TNFRSF10D: variants seen among roughly 807,000 people sequenced by gnomAD.
The protein encoded by TNFRSF10D is tumor necrosis factor receptor superfamily member 10D.
TNFRSF10D carries 28 observed loss-of-function variants against 42.1 expected under a neutral mutation model. The ratio of observed to expected loss-of-function variants is 0.66; its 90% CI spans 0.49 to 0.91. TNFRSF10D has a LOEUF of 0.91. Among genes scored for constraint, TNFRSF10D ranks in the 40% least tolerant of loss-of-function variants. TNFRSF10D has a pLI of 0.00. For missense variants in TNFRSF10D, 503 were observed against 486.1 expected, an observed-to-expected ratio of 1.03 and a Z score of -0.33; for synonymous variants, 186 against 189.4, an observed-to-expected ratio of 0.98 and a Z score of 0.15.
At chr8:23,144,065 T>C (rs952779757) in intron 7 of TNFRSF10D, among the ~76,000 whole-genome samples, 1 of 152,240 alleles carries the variant, frequency 6.6e-6, no homozygotes, top group African/African-American at 2.4e-5. Flanking sequence ...TACTGTGAAA[T>C]ATGTTCAATG....
At position 23,154,921 on chromosome 8, in the gene TNFRSF10D, G is replaced by T; in HGVS notation, c.209C>A (p.Ala70Asp). ...GAGGCTGCGCCTCTGTTGCTGTGGG[G>T]CCACTGTCTGCTGGGGAACTTCGTC... The part of the protein sequence containing the change: ...RQDEVPQQTV[A>D]PQQQRRSLKE... Residue 70 changes from alanine (A) to aspartate (D), a missense_variant, in exon 2 of 9, where the codon GCC (alanine) becomes GAC (aspartate). Transcript: ENST00000312584. 1 of 1,613,962 alleles carries T rather than the reference G, an allele frequency of 6.2e-7. No homozygotes were observed. The highest frequency in any genetic ancestry group is 8.5e-7 in the Non-Finnish European group (1 of 1,179,916).
intron 2 of TNFRSF10D, among the ~76,000 whole-genome samples, chr8:23,149,554 T>A (rs1563358932): frequency 1.3e-5 from 2 of 152,050 alleles, no homozygotes; most frequent in Non-Finnish European, 2.9e-5. Flanking sequence ...TACTTTTTTT[T>A]TTTTTTAACA....
intron 2 of TNFRSF10D, among the ~76,000 whole-genome samples, chr8:23,152,408 T>C (rs1800223297): frequency 6.6e-6 from 1 of 152,158 alleles, no homozygotes; most frequent in Admixed American, 6.6e-5. Flanking sequence ...CCCACAGGGA[T>C]TGTGGAAGAC....
chr8:23,145,070 T>G lies in TNFRSF10D; in HGVS notation c.756A>C (p.Glu252Asp), dbSNP rs1428437992. 6.2e-7 allele frequency: 1 copy of G among 1,613,918 alleles called. No individual in the cohort carries two copies. Among genetic ancestry groups the G allele is most frequent in the Non-Finnish European group, 8.5e-7 (1 of 1,179,980 alleles). The part of the protein sequence containing the change: ...GICSGGGGGP[E>D]RVHRVLFRRR... ...GAAACCAACTCACTCTGTGCACACGTTCGGGACCTCCTCCACCACCTGGAA... is the reference window on the plus strand; with the variant it reads ...GAAACCAACTCACTCTGTGCACACGGTCGGGACCTCCTCCACCACCTGGAA... The change falls in exon 6 of 9, where the codon GAA becomes GAC. Residue 252 changes from glutamate to aspartate, a missense_variant. Coordinates refer to ENST00000312584, the MANE Select transcript of TNFRSF10D (RefSeq NM_003840.5).
At chr8:23,160,743 A>G (rs1157161542) in intron 1 of TNFRSF10D, among the ~76,000 whole-genome samples, 638 of 151,726 alleles carry the variant, frequency 4.2e-3, no homozygotes, top group African/African-American at 0.013. Flanking sequence ...CAGGACAGAG[A>G]ACCAGAACTG....
intron 7 of TNFRSF10D, among the ~76,000 whole-genome samples, chr8:23,140,462 G>A (rs192063383): frequency 1.3e-5 from 2 of 151,464 alleles, no homozygotes. Context: ...AGATCTCTAA[G>A]AGAATTACAA....
intron 3 of TNFRSF10D, among the ~76,000 whole-genome samples, chr8:23,147,811 C>T (rs563700672): frequency 1.3e-5 from 2 of 151,866 alleles, no homozygotes; most frequent in African/African-American, 4.8e-5. Flanking sequence ...GCCTGTAAGC[C>T]CAGTACTTTG....
intron 4 of TNFRSF10D, among the ~76,000 whole-genome samples, chr8:23,146,536 A>G (rs1182547995): frequency 6.6e-6 from 1 of 152,114 alleles, no homozygotes; most frequent in African/African-American, 2.4e-5. Flanking sequence ...TTTTGTCTTT[A>G]TGGGTCCCTG....
At chr8:23,140,242 T>C (rs965420222) in intron 7 of TNFRSF10D, among the ~76,000 whole-genome samples, 7 of 151,944 alleles carry the variant, frequency 4.6e-5, no homozygotes, top group East Asian at 1.9e-4. Flanking sequence ...TGAGCTGAGA[T>C]CGCGCCACTG....
intron 7 of TNFRSF10D, among the ~76,000 whole-genome samples, chr8:23,141,139 A>G (rs1023010421): frequency 6.6e-6 from 1 of 152,230 alleles, no homozygotes; most frequent in African/African-American, 2.4e-5. Context: ...TAAGTCCTCA[A>G]AAGCAATGCA....
chr8:23,153,917 C>T (rs1800240470), intron 2 of TNFRSF10D, among the ~76,000 whole-genome samples: 2 of 152,174 alleles, frequency 1.3e-5, no homozygotes, highest in Admixed American at 1.3e-4. Flanking sequence ...AGGTATCTTC[C>T]CTCCCATGTG....
rs1366724808 is a variant in TNFRSF10D at position 23,154,953 on chromosome 8, G to A, written c.177C>T (p.Pro59=). 3.1e-6 allele frequency: 5 copies of A among 1,612,894 alleles called. No individual in the cohort carries two copies. In the Admixed American group the frequency reaches 8.3e-5, roughly 27 times the overall value. The change falls in exon 2 of 9, where the codon CCC becomes CCT. Residue 59 remains proline (P), a synonymous_variant. Coordinates refer to ENST00000312584, the MANE Select transcript of TNFRSF10D (RefSeq NM_003840.5). ...LPVRVDSATI[P]RQDEVPQQTV... is the part of the protein sequence containing the mutation. ...TCTGCTGGGGAACTTCGTCCTGCCG[G>A]GGGATGGTGGCAGAGTCAACCCGGA...
chr8:23,149,138 T>G (rs1379541001), intron 2 of TNFRSF10D, among the ~76,000 whole-genome samples: 2 of 129,544 alleles, frequency 1.5e-5, no homozygotes, highest in African/African-American at 6.0e-5. Flanking sequence ...TGCAGTGAGC[T>G]GAGACTGTGC....
At position 23,136,780 on chromosome 8, in the gene TNFRSF10D, C is replaced by CTTATAAATAAATAAATAAATATTTAT. The variant is rs1227749621; in HGVS notation, c.*1064_*1089dup. ...AATCCTGGGCATATGTAAACATCTA[C>CTTATAAATAAATAAATAAATATTTAT]TTATAAATAAATAAATAAATATTTA... On this transcript the variant is annotated 3_prime_UTR_variant, in exon 9 of 9. Transcript: ENST00000312584. The CTTATAAATAAATAAATAAATATTTAT allele has an allele frequency of 9.9e-5, 15 of 151,984 alleles. 1 individual carries two copies. Among genetic ancestry groups the CTTATAAATAAATAAATAAATATTTAT allele is most frequent in the Non-Finnish European group, 1.3e-4 (9 of 67,964 alleles). 9.4% of individuals were successfully genotyped at this position (151,984 alleles called of 1,614,324 possible). A position where few individuals can be genotyped will look rare whatever the true frequency, so the allele number is the denominator to read the frequency against.
At chr8:23,153,387 G>A (rs1169853070) in intron 2 of TNFRSF10D, among the ~76,000 whole-genome samples, 858 of 152,028 alleles carry the variant, frequency 5.6e-3, no homozygotes, top group African/African-American at 0.018. Context: ...TATCAGACTA[G>A]AAAGGTTTTG....
chr8:23,161,348 G>A (rs1800364287), intron 1 of TNFRSF10D, among the ~76,000 whole-genome samples: 2 of 152,196 alleles, frequency 1.3e-5, no homozygotes, highest in African/African-American at 4.8e-5. Context: ...TTCCTACTTT[G>A]ATAAAGAGAA....
In TNFRSF10D at chr8:23,145,068, C is replaced by T. The variant is rs768935072; in HGVS notation, c.758G>A (p.Arg253His). ...GAGAAACCAACTCACTCTGTGCACACGTTCGGGACCTCCTCCACCACCTGG... is the reference window on the plus strand; with the variant it reads ...GAGAAACCAACTCACTCTGTGCACATGTTCGGGACCTCCTCCACCACCTGG... Reference protein sequence around the residue: ...ICSGGGGGPERVHRVLFRRRS... With the variant: ...ICSGGGGGPEHVHRVLFRRRS... The change falls in exon 6 of 9, where the codon CGT becomes CAT. Residue 253 changes from arginine to histidine, a missense_variant. Physicochemically the swap from Arg to His is conservative, Grantham distance 29 (BLOSUM62 0). Coordinates refer to ENST00000312584, the MANE Select transcript of TNFRSF10D (RefSeq NM_003840.5). 5.6e-6 allele frequency: 9 copies of T among 1,614,140 alleles called. No homozygotes were observed. The highest frequency in any genetic ancestry group is 5.0e-5 in the Admixed American group (3 of 60,026).
chr8:23,143,520 T>C (rs1389373906), intron 7 of TNFRSF10D, among the ~76,000 whole-genome samples: 2 of 152,064 alleles, frequency 1.3e-5, no homozygotes, highest in East Asian at 1.9e-4. Flanking sequence ...ATTGTTGATA[T>C]TTTTTGTTTA....
intron 7 of TNFRSF10D, among the ~76,000 whole-genome samples, chr8:23,139,603 C>T (rs536107075): frequency 6.6e-5 from 10 of 152,242 alleles, no homozygotes; most frequent in African/African-American, 1.7e-4. Flanking sequence ...TGGAAGCATT[C>T]CCCTTGAGAA....
Sources: allele counts gnomAD v4.1 joint callset (sites outside exome capture counted in the v4.1 genomes callset), GRCh38; gene constraint gnomAD v4.1.1; transcripts MANE v1.5; gene names NCBI Gene and HGNC (gene_info 2026-07-23, HGNC 2026-07-21).